The following SLC8A1 variants were observed in gnomAD, a reference collection of about 807,000 sequenced individuals.
SLC8A1 encodes solute carrier family 8 member A1, also known as sodium/calcium exchanger 1.
SLC8A1 carries 18 observed loss-of-function variants against 68.3 expected under a neutral mutation model. That is an observed-to-expected ratio of 0.26 (90% confidence interval 0.18 to 0.39). The LOEUF is 0.39. Among genes scored for constraint, SLC8A1 ranks in the 10% least tolerant of loss-of-function variants. The pLI is 1.00. For synonymous variants in SLC8A1, 475 were observed against 415.5 expected, an observed-to-expected ratio of 1.14 and a Z score of -1.74; for missense variants, 985 against 1,156.7, an observed-to-expected ratio of 0.85 and a Z score of 2.15.
intron 2 of SLC8A1, among the ~76,000 whole-genome samples, chr2:40,230,230 G>T (rs530442551): frequency 6.5e-4 from 99 of 152,282 alleles, no homozygotes; most frequent in African/African-American, 2.3e-3. Context: ...TTCTAGTTTT[G>T]CTAGATGTGT....
chr2:40,230,207 G>C, intron 2 of SLC8A1, among the ~76,000 whole-genome samples: 1 of 152,236 alleles, frequency 6.6e-6, no homozygotes. Flanking sequence ...AACATTACAG[G>C]TTACTCTAAA....
chr2:40,494,633 A>T (rs1705552528), intron 1 of SLC8A1, among the ~76,000 whole-genome samples: 1 of 128,272 alleles, frequency 7.8e-6, no homozygotes. Context: ...CCTAGAACTT[A>T]AAGTATAATA....
intron 1 of SLC8A1, among the ~76,000 whole-genome samples, chr2:40,447,643 T>C (rs949156302): frequency 2.0e-5 from 3 of 151,640 alleles, no homozygotes; most frequent in African/African-American, 4.8e-5. Flanking sequence ...TGAGAATTAA[T>C]GGTAGCTCCT....
intron 2 of SLC8A1, among the ~76,000 whole-genome samples, chr2:40,388,350 A>G (rs1046802694): frequency 6.6e-6 from 1 of 152,184 alleles, no homozygotes; most frequent in Non-Finnish European, 1.5e-5. Flanking sequence ...GAGTTCTGAC[A>G]GCACGCTTCC....
At chr2:40,122,199 C>CGTGT (rs1553339148) in intron 7 of SLC8A1, among the ~76,000 whole-genome samples, 1 of 90,168 alleles carries the variant, frequency 1.1e-5, no homozygotes, top group Non-Finnish European at 2.8e-5. Context: ...CAAGTGCATG[C>CGTGT]GCGCGCGCAC....
At chr2:40,413,292 C>T (rs1033703434) in intron 2 of SLC8A1, among the ~76,000 whole-genome samples, 2 of 152,244 alleles carry the variant, frequency 1.3e-5, no homozygotes, top group East Asian at 1.9e-4. Context: ...GCTATAAAGA[C>T]ACATGCACAC....
At chr2:40,477,294 T>C (rs906603422) in intron 1 of SLC8A1, among the ~76,000 whole-genome samples, 12 of 152,166 alleles carry the variant, frequency 7.9e-5, no homozygotes, top group African/African-American at 2.9e-4. Flanking sequence ...GTTGTAGTCA[T>C]GGATTGAGAG....
At chr2:40,240,598 CTT>C (rs557911394) in intron 2 of SLC8A1, among the ~76,000 whole-genome samples, 13 of 152,304 alleles carry the variant, frequency 8.5e-5, no homozygotes, top group Non-Finnish European at 1.9e-4. Context: ...TTTATGAACA[CTT>C]TTTTGTATAA....
intron 1 of SLC8A1, among the ~76,000 whole-genome samples, chr2:40,498,482 A>T (rs755452406): frequency 9.2e-5 from 14 of 152,262 alleles, no homozygotes; most frequent in Non-Finnish European, 1.3e-4. Context: ...TTCTAACTTC[A>T]TAAGCTTTAG....
intron 2 of SLC8A1, among the ~76,000 whole-genome samples, chr2:40,346,409 T>TATATATATGCTAGGGGTATATATA (rs1669325099): frequency 1.3e-5 from 2 of 152,160 alleles, no homozygotes; most frequent in Non-Finnish European, 2.9e-5. Context: ...GCTAGGGCGT[T>TATATATATGCTAGGGGTATATATA]TACCTCATAC....
chr2:40,112,822 T>C (rs2034722456), exon 8 of SLC8A1: 1 of 152,308 alleles, frequency 6.6e-6, no homozygotes, highest in South Asian at 2.1e-4. Context: ...TGGTTTAAAA[T>C]GGAGAGATAT....
chr2:40,236,878 A>C lies in SLC8A1; in HGVS notation c.1809-59023T>G, dbSNP rs964518174. Among the ~76,000 whole-genome samples, 8 of 151,708 alleles carry C rather than the reference A, an allele frequency of 5.3e-5. No individual in the cohort carries two copies. In the South Asian group the frequency reaches 1.3e-3, roughly 24 times the overall value. On this transcript the variant is annotated intron_variant, in intron 2 of 7. Coordinates refer to ENST00000406785, the Ensembl canonical transcript of SLC8A1. ...CTTATGAAGCTTAGTTTGGCTGGATATGAAATTCTGGGTTGAAAATTCTTT... is the reference window on the plus strand; with the variant it reads ...CTTATGAAGCTTAGTTTGGCTGGATCTGAAATTCTGGGTTGAAAATTCTTT...
intron 2 of SLC8A1, among the ~76,000 whole-genome samples, chr2:40,301,717 A>C (rs879307180): frequency 6.6e-6 from 1 of 152,056 alleles, no homozygotes; most frequent in East Asian, 1.9e-4. Context: ...CAGATATGGA[A>C]AGTTCCTTAT....
chr2:40,232,603 T>TG (rs1328396609), intron 2 of SLC8A1, among the ~76,000 whole-genome samples: 1 of 150,398 alleles, frequency 6.6e-6, no homozygotes, highest in Non-Finnish European at 1.5e-5. Context: ...ATTCTGTTTT[T>TG]TTTTTTTTTT....
At chr2:40,350,968 G>A (rs1346511880) in intron 2 of SLC8A1, among the ~76,000 whole-genome samples, 2 of 152,178 alleles carry the variant, frequency 1.3e-5, no homozygotes, top group African/African-American at 4.8e-5. Context: ...GCAGAGCTGA[G>A]AAATGACGGC....
chr2:40,185,539 G>A (rs1198741566), intron 2 of SLC8A1, among the ~76,000 whole-genome samples: 10 of 152,148 alleles, frequency 6.6e-5, no homozygotes, highest in Non-Finnish European at 1.3e-4. Flanking sequence ...GTCCAGAATA[G>A]GCAAATCCAG....
rs139111313 is a variant in SLC8A1 at position 40,202,053 on chromosome 2, C to T, written c.1809-24198G>A. Among the ~76,000 whole-genome samples, 15 of 152,076 alleles carry T rather than the reference C, an allele frequency of 9.9e-5. No individual in the cohort carries two copies. The East Asian group carries it at 2.9e-3, about 30-fold the overall frequency. On this transcript the variant is annotated intron_variant, in intron 2 of 7. Transcript: ENST00000406785. ...GTGTGTGTACACGTGGAGGTGTGTGCACCCTAGACCTTTTTTGCTATACTA... is the reference window on the plus strand; with the variant it reads ...GTGTGTGTACACGTGGAGGTGTGTGTACCCTAGACCTTTTTTGCTATACTA...
intron 1 of SLC8A1, among the ~76,000 whole-genome samples, chr2:40,504,170 C>G (rs938791355): frequency 6.6e-6 from 1 of 151,874 alleles, no homozygotes; most frequent in African/African-American, 2.4e-5. Context: ...AGATAGTGAA[C>G]TCAGTTTTAC....
rs2062893564 is a variant in SLC8A1 at position 40,252,346 on chromosome 2, TGATTGA to T, written c.1809-74497_1809-74492del. ...ATAGTACATTTGTATTTTGATTGAT[TGATTGA>T]GATGGAGTCTTGCTCTGTCACCCAG... On this transcript the variant is annotated intron_variant, in intron 2 of 7. Coordinates refer to ENST00000406785, the Ensembl canonical transcript of SLC8A1. Among the ~76,000 whole-genome samples the T allele has an allele frequency of 2.6e-5, 4 of 152,256 alleles. No homozygotes were observed. In the East Asian group the frequency reaches 5.8e-4, roughly 22 times the overall value.
Sources: gnomAD v4.1 joint callset for allele counts (sites outside exome capture counted in the v4.1 genomes callset) on GRCh38, gnomAD v4.1.1 for gene constraint, MANE v1.5 for transcripts, NCBI Gene and HGNC (gene_info 2026-07-23, HGNC 2026-07-21) for gene names.